Variants in PDE11A observed in about 807,000 individuals in gnomAD.
PDE11A encodes phosphodiesterase 11A, also known as dual 3',5'-cyclic-AMP and -GMP phosphodiesterase 11A.
In PDE11A, 100 loss-of-function variants were observed where a neutral mutation model predicts 100.5. The observed-to-expected ratio is 1.00, with a 90% CI of 0.85 to 1.18. The LOEUF is 1.18. PDE11A is among the 50% of genes most tolerant of loss of function. PDE11A has a pLI of 0.00. For missense variants in PDE11A, 1,141 were observed against 1,152.6 expected (o/e 0.99, Z 0.15); for synonymous variants, 381 against 420.8 (o/e 0.91, Z 1.16).
chr2:177,897,936 C>A (rs1487251780), intron 4 of PDE11A, 122 bp downstream of exon 4: 11 of 806,756 alleles, frequency 1.4e-5, no homozygotes, highest in Non-Finnish European at 2.1e-5. Context: ...TGAAAAGTTG[C>A]CCCATGGTTG....
intron 19 of PDE11A, among the ~76,000 whole-genome samples, chr2:177,661,209 A>G (rs1034905064): frequency 2.0e-5 from 3 of 152,232 alleles, no homozygotes; most frequent in Admixed American, 2.0e-4. Context: ...TGCCTAGACC[A>G]ACATGGTAAA....
chr2:178,034,551 C>A (rs1448061107), intron 1 of PDE11A, among the ~76,000 whole-genome samples: 2 of 152,174 alleles, frequency 1.3e-5, no homozygotes, highest in Admixed American at 6.5e-5. Flanking sequence ...GAACTCTCCA[C>A]CCCAAATCAA....
chr2:177,713,646 A>G (rs549860710), intron 12 of PDE11A, among the ~76,000 whole-genome samples: 2 of 152,082 alleles, frequency 1.3e-5, no homozygotes, highest in South Asian at 4.2e-4. Flanking sequence ...AATCGCTTGA[A>G]CCGGGAGACA....
intron 2 of PDE11A, among the ~76,000 whole-genome samples, chr2:178,086,113 C>A (rs1025152287): frequency 2.6e-5 from 4 of 152,220 alleles, no homozygotes; most frequent in South Asian, 2.1e-4. Flanking sequence ...CTGAATCAAT[C>A]TTTCCCCTTT....
In PDE11A at chr2:177,652,491, C is replaced by A. The variant is rs73038702; in HGVS notation, c.2646+11375G>T. 8.1e-3 allele frequency among the ~76,000 whole-genome samples: 1,236 copies of A among 152,194 alleles called. 17 individuals are homozygous for A. Among genetic ancestry groups the A allele is most frequent in the African/African-American group, 0.028 (1,164 of 41,496 alleles). Reference sequence around the variant, plus strand: ...AGGTGGGATGGGAAGGTCAATTGTGCCAACTAAGATTTTTTTCCTGTAGTA... The same window carrying A: ...AGGTGGGATGGGAAGGTCAATTGTGACAACTAAGATTTTTTTCCTGTAGTA... On this transcript the variant is annotated intron_variant, in intron 19 of 19. Transcript: ENST00000286063.
intron 5 of PDE11A, among the ~76,000 whole-genome samples, chr2:177,858,313 C>A (rs2105663926): frequency 6.6e-6 from 1 of 151,924 alleles, no homozygotes; most frequent in South Asian, 2.1e-4. Flanking sequence ...AACAGGCAAC[C>A]TACAGAATGG....
At chr2:177,821,961 G>A (rs1024444427) in intron 6 of PDE11A, among the ~76,000 whole-genome samples, 2 of 151,206 alleles carry the variant, frequency 1.3e-5, no homozygotes, top group Admixed American at 6.6e-5. Flanking sequence ...AAATTGGCTC[G>A]TAAAAGTATC....
intron 2 of PDE11A, among the ~76,000 whole-genome samples, chr2:177,947,045 CCGTCCGGG>C: frequency 9.1e-6 from 1 of 110,478 alleles, no homozygotes; most frequent in East Asian, 2.9e-4. Flanking sequence ...GCCAGCCGCC[CCGTCCGGG>C]AGGTGAGGGG....
chr2:178,097,584 G>A (rs2087511177), intron 2 of PDE11A, among the ~76,000 whole-genome samples: 1 of 152,162 alleles, frequency 6.6e-6, no homozygotes, highest in South Asian at 2.1e-4. Flanking sequence ...TATAATTTGA[G>A]ATGAGATTTG....
chr2:178,102,803 C>G (rs1005313876), intron 2 of PDE11A, among the ~76,000 whole-genome samples: 6 of 151,884 alleles, frequency 4.0e-5, no homozygotes, highest in African/African-American at 1.5e-4. Flanking sequence ...AGGTCCTAAC[C>G]CCTGGTAACT....
intron 2 of PDE11A, among the ~76,000 whole-genome samples, chr2:177,915,904 C>T (rs2084945025): frequency 6.6e-6 from 1 of 152,214 alleles, no homozygotes; most frequent in African/African-American, 2.4e-5. Context: ...TAATCTACAT[C>T]TGCTTCGCTT....
chr2:177,685,451 A>G (rs1477663145), intron 15 of PDE11A, among the ~76,000 whole-genome samples: 1 of 152,240 alleles, frequency 6.6e-6, no homozygotes. Context: ...ATATCTGCCC[A>G]TAGTATGTTC....
At position 177,984,715 on chromosome 2, in the gene PDE11A, C is replaced by A. The variant is rs965930965; in HGVS notation, c.1071+29587G>T. Among the ~76,000 whole-genome samples, 9 of 152,252 alleles carry A rather than the reference C, an allele frequency of 5.9e-5. No individual in the cohort carries two copies. In the South Asian group the frequency reaches 1.0e-3, roughly 18 times the overall value. On this transcript the variant is annotated intron_variant, in intron 2 of 19. Transcript: ENST00000286063. ...TATATACATAAACTTCACCAAAAAA[C>A]CCCCATGAGATTAGGACTAATGCTC...
At chr2:178,069,857 T>C (rs908995355) in intron 1 of PDE11A, among the ~76,000 whole-genome samples, 1 of 152,086 alleles carries the variant, frequency 6.6e-6, no homozygotes, top group Non-Finnish European at 1.5e-5. Flanking sequence ...AAATAAAAGC[T>C]ATAGAAATGG....
At chr2:177,798,010 G>A (rs1326764687) in intron 9 of PDE11A, among the ~76,000 whole-genome samples, 2 of 152,016 alleles carry the variant, frequency 1.3e-5, no homozygotes, top group Non-Finnish European at 2.9e-5. Context: ...ATCTGACCCC[G>A]GGTAGCTCTC....
At chr2:177,745,516 C>G (rs73030338) in intron 10 of PDE11A, among the ~76,000 whole-genome samples, 4,325 of 152,226 alleles carry the variant, frequency 0.028, 187 homozygotes, top group African/African-American at 0.099. Context: ...TAAACATTCC[C>G]CAGGTGATGC....
chr2:177,851,417 G>A (rs1239421230), intron 5 of PDE11A, among the ~76,000 whole-genome samples: 3 of 151,996 alleles, frequency 2.0e-5, no homozygotes, highest in Non-Finnish European at 4.4e-5. Flanking sequence ...GATAGCATTA[G>A]GAGATATACC....
intron 12 of PDE11A, among the ~76,000 whole-genome samples, chr2:177,720,852 T>G (rs1306635428): frequency 1.3e-5 from 2 of 152,160 alleles, no homozygotes; most frequent in African/African-American, 4.8e-5. Context: ...TATAAATGAC[T>G]TTCTTTCCCA....
intron 9 of PDE11A, among the ~76,000 whole-genome samples, chr2:177,782,490 A>ATTT (rs1177270729): frequency 6.6e-6 from 1 of 152,236 alleles, no homozygotes; most frequent in African/African-American, 2.4e-5. Context: ...TCTAGGTAAG[A>ATTT]TCAACGTGAA....
Sources: allele counts gnomAD v4.1 joint callset (sites outside exome capture counted in the v4.1 genomes callset), GRCh38; gene constraint gnomAD v4.1.1; transcripts MANE v1.5; gene names NCBI Gene and HGNC (gene_info 2026-07-23, HGNC 2026-07-21).